Variants in DYNC1H1 observed in about 807,000 individuals in gnomAD.
DYNC1H1 encodes the protein dynein cytoplasmic 1 heavy chain 1, also known as cytoplasmic dynein 1 heavy chain 1.
DYNC1H1 carries 51 observed loss-of-function variants against 527.1 expected under a neutral mutation model. The observed-to-expected ratio is 0.10, with a 90% CI of 0.08 to 0.12. The LOEUF is 0.12. DYNC1H1 is among the 10% of genes least tolerant of loss of function. The probability of loss-of-function intolerance (pLI) is 1.00; values close to 1 mark genes in which losing one functional copy is unlikely to be tolerated. For missense variants in DYNC1H1, 2,771 were observed against 5,971.8 expected, an observed-to-expected ratio of 0.46 and a Z score of 17.66; for synonymous variants, 2,189 against 2,278.8, an observed-to-expected ratio of 0.96 and a Z score of 1.12.
Position 102,015,425 on chromosome 14 carries a change from C to G in DYNC1H1, c.7242+93C>G. On this transcript the variant is annotated intron_variant, in intron 35 of 77. Coordinates refer to ENST00000360184, the MANE Select transcript of DYNC1H1 (RefSeq NM_001376.5). The surrounding 1 kb of genome is among the most constrained non-coding windows in gnomAD (Gnocchi z 6.9). ...GTGTTGCCCACGCTGGTCTTGAACT[C>G]CTGGGCCCAAGCAATCCACCTGCCT... 7.1e-7 allele frequency: 1 copy of G among 1,416,164 alleles called. No individual in the cohort carries two copies. The highest frequency in any genetic ancestry group is 1.4e-5 in the South Asian group (1 of 72,634). 87.7% of individuals were successfully genotyped at this position (1,416,164 alleles called of 1,614,324 possible). A position where few individuals can be genotyped will look rare whatever the true frequency, so the allele number is the denominator to read the frequency against.
chr14:101,982,214 A>G (rs1209847640), intron 5 of DYNC1H1, among the ~76,000 whole-genome samples: 3 of 152,160 alleles, frequency 2.0e-5, no homozygotes, highest in African/African-American at 7.2e-5. Context: ...CTCCCATTAC[A>G]TCACCCTCAG....
intron 42 of DYNC1H1, among the ~76,000 whole-genome samples, chr14:102,021,377 C>T (rs890290640): frequency 6.6e-6 from 1 of 152,012 alleles, no homozygotes; most frequent in African/African-American, 2.4e-5. Flanking sequence ...ACCCTGTCTC[C>T]CACAATATAG....
chr14:102,044,187 TGAG>T lies in DYNC1H1; in HGVS notation c.12685-81_12685-79del. On this transcript the variant is annotated intron_variant, in intron 70 of 77. Transcript: ENST00000360184. The surrounding 1 kb of genome is among the most constrained non-coding windows in gnomAD (Gnocchi z 7.1). ...CCAAAGCCTAGCTGGCCATGGGGAG[TGAG>T]GAGGAAAGCTGTGCCCCTCGAAAGG... 1 of 1,587,446 alleles carries T rather than the reference TGAG, an allele frequency of 6.3e-7. No homozygotes were observed. The highest frequency in any genetic ancestry group is 8.6e-7 in the Non-Finnish European group (1 of 1,167,902).
At chr14:101,993,866 G>A (rs890656084) in intron 11 of DYNC1H1, among the ~76,000 whole-genome samples, 3 of 152,258 alleles carry the variant, frequency 2.0e-5, no homozygotes, top group Admixed American at 2.0e-4. Flanking sequence ...ATTTTTATCT[G>A]CTTGTTGTAC....
At chr14:102,048,762 C>CA (rs370680788) in intron 74 of DYNC1H1, 93 bp downstream of exon 74, 2 of 1,465,300 alleles carry the variant, frequency 1.4e-6, no homozygotes, top group African/African-American at 2.9e-5. Flanking sequence ...CACGTGCAGA[C>CA]AGCCAGGCCT....
In DYNC1H1 at chr14:101,970,432, GAAT is replaced by G. The variant is rs1223384906; in HGVS notation, c.257-5270_257-5268del. 3.5e-5 allele frequency among the ~76,000 whole-genome samples: 5 copies of G among 143,700 alleles called. No homozygotes were observed. The South Asian group carries it at 8.9e-4, about 26-fold the overall frequency. The allele number at this position is 143,700 out of a possible 152,430, so 94.3% of individuals were successfully genotyped here. On this transcript the variant is annotated intron_variant, in intron 1 of 77. Coordinates refer to ENST00000360184, the MANE Select transcript of DYNC1H1 (RefSeq NM_001376.5). ...CGTGTATAATAGTGATTGACCACCA[GAAT>G]AATAATAATGTGGTATTAGTATGTT...
At chr14:102,022,962 C>G in intron 43 of DYNC1H1, 82 bp downstream of exon 43, 1 of 1,601,920 alleles carries the variant, frequency 6.2e-7, no homozygotes, top group Non-Finnish European at 8.5e-7. Context: ...GAATTATCTT[C>G]TACTCAAAAA....
At chr14:101,984,443 A>G (rs1566998419) in intron 7 of DYNC1H1, among the ~76,000 whole-genome samples, 2 of 113,480 alleles carry the variant, frequency 1.8e-5, no homozygotes, top group African/African-American at 4.3e-5. Context: ...ATATATATAT[A>G]TATTATATTT....
At chr14:101,998,082 TC>T (rs2048084724) in intron 16 of DYNC1H1, among the ~76,000 whole-genome samples, 1 of 152,240 alleles carries the variant, frequency 6.6e-6, no homozygotes, top group Non-Finnish European at 1.5e-5. Flanking sequence ...TATTTTTTGC[TC>T]CCTTTGTTAT....
intron 27 of DYNC1H1, among the ~76,000 whole-genome samples, chr14:102,006,455 G>C (rs571424470): frequency 6.6e-6 from 1 of 152,126 alleles, no homozygotes; most frequent in Non-Finnish European, 1.5e-5. Context: ...GGCTGGTCTC[G>C]AACTCCTGAC....
At position 102,044,920 on chromosome 14, in the gene DYNC1H1, T is replaced by G. The variant is rs2048697736; in HGVS notation, c.13006+222T>G. 1 of 596,398 alleles carries G rather than the reference T, an allele frequency of 1.7e-6. No homozygotes were observed. Among genetic ancestry groups the G allele is most frequent in the Non-Finnish European group, 3.0e-6 (1 of 334,836 alleles). The allele number at this position is 596,398 out of a possible 1,614,324, so 36.9% of individuals were successfully genotyped here. A position where few individuals can be genotyped will look rare whatever the true frequency, so the allele number is the denominator to read the frequency against. On this transcript the variant is annotated intron_variant, in intron 72 of 77. Coordinates refer to ENST00000360184, the MANE Select transcript of DYNC1H1 (RefSeq NM_001376.5). This position sits in a 1 kb window ranked among gnomAD's most constrained non-coding sequence, Gnocchi z 7.1. ...AGGCAGAGGAAAGAACTGGCTCTTC[T>G]CTGCAGCATCAACTCAGTTCTAGAG... is the stretch of plus-strand genomic sequence containing the variant.
chr14:102,053,187 C>G lies in DYNC1H1; in HGVS notation c.*2624C>G, dbSNP rs1407552728. On this transcript the variant is annotated 3_prime_UTR_variant, in exon 78 of 78. Transcript: ENST00000360184. Reference sequence around the variant, plus strand: ...ACGGAATCTTGCTCTGTCGCCCAAGCTGGAGTGCAGTGGCGCAATCTGGGC... The same window carrying G: ...ACGGAATCTTGCTCTGTCGCCCAAGGTGGAGTGCAGTGGCGCAATCTGGGC... The G allele has an allele frequency of 1.3e-5, 2 of 148,168 alleles. No individual in the cohort carries two copies. The highest frequency in any genetic ancestry group is 3.0e-5 in the Non-Finnish European group (2 of 67,746). 9.2% of individuals were successfully genotyped at this position (148,168 alleles called of 1,614,324 possible). A position where few individuals can be genotyped will look rare whatever the true frequency, so the allele number is the denominator to read the frequency against.
At chr14:101,969,188 T>TC (rs2047701753) in intron 1 of DYNC1H1, among the ~76,000 whole-genome samples, 1 of 151,290 alleles carries the variant, frequency 6.6e-6, no homozygotes, top group East Asian at 1.9e-4. Context: ...TGGTTAATTT[T>TC]TTTTTTTTTT....
At chr14:101,981,776 T>C (rs1325717349) in intron 5 of DYNC1H1, among the ~76,000 whole-genome samples, 1 of 152,238 alleles carries the variant, frequency 6.6e-6, no homozygotes, top group Non-Finnish European at 1.5e-5. Context: ...CCTAATACTT[T>C]TTTTGATCTT....
chr14:101,984,370 TGTGTGTGTGTGTATATATATATGC>T (rs1336554837), intron 7 of DYNC1H1, among the ~76,000 whole-genome samples: 141 of 95,260 alleles, frequency 1.5e-3, no homozygotes, highest in African/African-American at 9.5e-3. Context: ...TTCTGTATTG[TGTGTGTGTGTGTATATATATATGC>T]GTATATATGT....
Position 101,964,653 on chromosome 14 carries a change from G to A in DYNC1H1, c.-39G>A. On this transcript the variant is annotated 5_prime_UTR_variant, in exon 1 of 78. Transcript: ENST00000360184. The surrounding 1 kb of genome is among the most constrained non-coding windows in gnomAD (Gnocchi z 5.5). ...CTGGCTGTCTCGCTGAGTCGCGGCC[G>A]CCTTCTCATCGCTCCTGGAAGGTCC... 2.6e-6 allele frequency: 4 copies of A among 1,556,990 alleles called. No homozygotes were observed. The highest frequency in any genetic ancestry group is 1.8e-5 in the Admixed American group (1 of 55,162).
rs747545117 is a variant in DYNC1H1 at position 101,979,672 on chromosome 14, G to T, written c.519-47G>T. On this transcript the variant is annotated intron_variant, in intron 3 of 77. Coordinates refer to ENST00000360184, the MANE Select transcript of DYNC1H1 (RefSeq NM_001376.5). The surrounding 1 kb of genome is among the most constrained non-coding windows in gnomAD (Gnocchi z 4.6). ...AGACCTGAAATGATGGGATCTCTTT[G>T]GAGACCAATAGCACACTAAATGTTG... 1 of 1,612,700 alleles carries T rather than the reference G, an allele frequency of 6.2e-7. No individual in the cohort carries two copies. Among genetic ancestry groups the T allele is most frequent in the Non-Finnish European group, 8.5e-7 (1 of 1,179,956 alleles).
At chr14:101,993,743 C>G (rs1345463038) in intron 11 of DYNC1H1, among the ~76,000 whole-genome samples, 2 of 152,194 alleles carry the variant, frequency 1.3e-5, no homozygotes, top group Non-Finnish European at 2.9e-5. Context: ...CACACTCCCT[C>G]TCCTTCTCAC....
intron 1 of DYNC1H1, among the ~76,000 whole-genome samples, chr14:101,966,159 C>T (rs1383122534): frequency 2.6e-5 from 4 of 152,238 alleles, no homozygotes; most frequent in Non-Finnish European, 4.4e-5. Context: ...CTGTCTGCCC[C>T]ATCCTTAACA....
Sources: gnomAD v4.1 joint callset for allele counts (sites outside exome capture counted in the v4.1 genomes callset) on GRCh38, gnomAD v4.1.1 for gene constraint, Gnocchi (gnomAD v3.1) non-coding constraint, MANE v1.5 for transcripts, NCBI Gene and HGNC (gene_info 2026-07-23, HGNC 2026-07-21) for gene names.